The following ARID5B variants were observed in gnomAD, a reference collection of about 807,000 sequenced individuals.
ARID5B encodes AT-rich interactive domain-containing protein 5B.
ARID5B carries 13 observed loss-of-function variants against 97.2 expected under a neutral mutation model. The ratio of observed to expected loss-of-function variants is 0.13; its 90% confidence interval spans 0.09 to 0.21. The LOEUF is 0.21. Among genes scored for constraint, ARID5B ranks in the 10% least tolerant of loss-of-function variants. ARID5B has a pLI of 1.00. For missense variants in ARID5B, 1,210 were observed against 1,465.3 expected, an observed-to-expected ratio of 0.83 and a Z score of 2.84; for synonymous variants, 556 against 570.3, an observed-to-expected ratio of 0.97 and a Z score of 0.36.
chr10:62,013,544 A>G, intron 4 of ARID5B, among the ~76,000 whole-genome samples: 1 of 152,006 alleles, frequency 6.6e-6, no homozygotes, highest in East Asian at 1.9e-4. Context: ...CTCTTATGTA[A>G]CTGAAATTAT....
intron 7 of ARID5B, among the ~76,000 whole-genome samples, chr10:62,062,381 T>A (rs1839932067): frequency 6.6e-6 from 1 of 152,210 alleles, no homozygotes; most frequent in African/African-American, 2.4e-5. Context: ...TAAGTGGTTG[T>A]TTAGACCCCC....
chr10:62,032,944 A>G (rs904017077), intron 4 of ARID5B, among the ~76,000 whole-genome samples: 2 of 152,156 alleles, frequency 1.3e-5, no homozygotes, highest in African/African-American at 4.8e-5. Flanking sequence ...GATTAATAGG[A>G]ATGTTCTACT....
chr10:62,076,187 G>A (rs922361946), intron 8 of ARID5B, among the ~76,000 whole-genome samples: 3 of 141,936 alleles, frequency 2.1e-5, no homozygotes, highest in Admixed American at 1.4e-4. Context: ...ATGATCCTTG[G>A]TTTATCTAAC....
intron 1 of ARID5B, 35 bp downstream of exon 1, chr10:61,901,765 AC>A (rs771080622): frequency 1.1e-5 from 18 of 1,578,362 alleles, no homozygotes; most frequent in East Asian, 2.3e-5. Context: ...CGATCCCGGC[AC>A]CCCCCGGCAC....
rs892988068 is a variant in ARID5B, at chr10:62,053,377, C to T, written c.846+2377C>T. Among the ~76,000 whole-genome samples the T allele has an allele frequency of 4.9e-4, 74 of 152,148 alleles. 3 individuals carry two copies. Among genetic ancestry groups the T allele is most frequent in the Admixed American group, 7.9e-4 (12 of 15,272 alleles). On this transcript the variant is annotated intron_variant, in intron 5 of 9. Coordinates refer to ENST00000279873, the MANE Select transcript of ARID5B (RefSeq NM_032199.3). Reference sequence around the variant, plus strand: ...TGGAAAAATAAGTCAAGTGATTTGCCGGTCGCCATCAAAACGTTGCACTCC... The same window carrying T: ...TGGAAAAATAAGTCAAGTGATTTGCTGGTCGCCATCAAAACGTTGCACTCC...
intron 9 of ARID5B, among the ~76,000 whole-genome samples, chr10:62,089,528 C>CT (rs34423923): frequency 0.018 from 1,836 of 101,498 alleles, 21 homozygotes; most frequent in Non-Finnish European, 0.026. Flanking sequence ...CCTTCTTTTT[C>CT]TTTTTTTTTT....
At chr10:61,918,925 T>C (rs548855745) in intron 2 of ARID5B, among the ~76,000 whole-genome samples, 1 of 151,410 alleles carries the variant, frequency 6.6e-6, no homozygotes, top group Non-Finnish European at 1.5e-5. Flanking sequence ...TCCCAGCTAC[T>C]CAGGAGGCTG....
chr10:61,976,224 G>A (rs1243839662), intron 3 of ARID5B, among the ~76,000 whole-genome samples: 1 of 152,194 alleles, frequency 6.6e-6, no homozygotes, highest in Non-Finnish European at 1.5e-5. Context: ...TGGCTAATAT[G>A]ACTGAGAAAC....
In ARID5B at chr10:62,013,815, T is replaced by TATATATATATATATATATATATAC. The variant is rs915920250; in HGVS notation, c.733+13495_733+13496insTATATATATATATATATATATACA. On this transcript the variant is annotated intron_variant, in intron 4 of 9. Coordinates refer to ENST00000279873, the MANE Select transcript of ARID5B (RefSeq NM_032199.3). ...TTGGGTATATATATATATATATATA[T>TATATATATATATATATATATATAC]ACCACATTTTCTCTTTTAATTTTTA... Among the ~76,000 whole-genome samples the TATATATATATATATATATATATAC allele has an allele frequency of 3.5e-3, 515 of 147,066 alleles. 10 individuals are homozygous for TATATATATATATATATATATATAC. Among genetic ancestry groups the TATATATATATATATATATATATAC allele is most frequent in the Admixed American group, 0.02 (280 of 13,760 alleles).
Position 61,951,733 on chromosome 10 carries a change from A to T in ARID5B, c.502+11325A>T, listed in dbSNP as rs946302395. 2.6e-5 allele frequency among the ~76,000 whole-genome samples: 4 copies of T among 152,228 alleles called. 1 individual carries two copies. Among genetic ancestry groups the T allele is most frequent in the African/African-American group, 4.8e-5 (2 of 41,452 alleles). Reference sequence around the variant, plus strand: ...ACTCAGAAGTGCTGTTAGTATTTGTATATGTACCAATGCATATGAATGCAT... The same window carrying T: ...ACTCAGAAGTGCTGTTAGTATTTGTTTATGTACCAATGCATATGAATGCAT... On this transcript the variant is annotated intron_variant, in intron 3 of 9. Coordinates refer to ENST00000279873, the MANE Select transcript of ARID5B (RefSeq NM_032199.3).
At chr10:61,921,060 A>T (rs76644164) in intron 2 of ARID5B, among the ~76,000 whole-genome samples, 1 of 151,464 alleles carries the variant, frequency 6.6e-6, no homozygotes, top group Non-Finnish European at 1.5e-5. Flanking sequence ...GCAGAAAATT[A>T]TCTAATTTCT....
chr10:61,970,263 T>C (rs915225942), intron 3 of ARID5B, among the ~76,000 whole-genome samples: 1 of 152,246 alleles, frequency 6.6e-6, no homozygotes, highest in Non-Finnish European at 1.5e-5. Flanking sequence ...GTTCATTGTA[T>C]AATTGTTTTT....
chr10:61,933,490 A>T (rs867525402), intron 2 of ARID5B, among the ~76,000 whole-genome samples: 2 of 152,240 alleles, frequency 1.3e-5, no homozygotes, highest in Non-Finnish European at 2.9e-5. Flanking sequence ...TGTGGCAGCT[A>T]TAGCTTCATA....
chr10:61,913,071 CT>C (rs1242046745), intron 2 of ARID5B, among the ~76,000 whole-genome samples: 8 of 152,164 alleles, frequency 5.3e-5, no homozygotes, highest in Non-Finnish European at 1.0e-4. Flanking sequence ...TGTTTTTCTT[CT>C]GTTTTGGCAG....
At chr10:61,916,365 G>C (rs1275438273) in intron 2 of ARID5B, among the ~76,000 whole-genome samples, 1 of 152,186 alleles carries the variant, frequency 6.6e-6, no homozygotes, top group African/African-American at 2.4e-5. Context: ...TAGTGGCAGA[G>C]TTGGGTGGTT....
intron 4 of ARID5B, among the ~76,000 whole-genome samples, chr10:62,025,582 A>G (rs1839409820): frequency 6.6e-6 from 1 of 152,202 alleles, no homozygotes; most frequent in Admixed American, 6.5e-5. Context: ...GAAATTAGCT[A>G]GATGACCTAC....
intron 8 of ARID5B, among the ~76,000 whole-genome samples, chr10:62,082,022 TGAG>T (rs1406891167): frequency 6.6e-6 from 1 of 151,826 alleles, no homozygotes; most frequent in Admixed American, 6.6e-5. Flanking sequence ...GAAAGAAGAA[TGAG>T]GAGGGGAAAA....
chr10:61,965,614 A>G (rs978973745), intron 3 of ARID5B, among the ~76,000 whole-genome samples: 3 of 151,922 alleles, frequency 2.0e-5, no homozygotes, highest in East Asian at 1.9e-4. Flanking sequence ...TCAATTCAGA[A>G]AAAAAATTTT....
chr10:62,076,488 G>A (rs1355494929), intron 8 of ARID5B, among the ~76,000 whole-genome samples: 1 of 149,886 alleles, frequency 6.7e-6, no homozygotes, highest in African/African-American at 2.4e-5. Flanking sequence ...CTGAATATGG[G>A]AAGTGGAGGG....
Sources: gnomAD v4.1 joint callset for allele counts (sites outside exome capture counted in the v4.1 genomes callset) on GRCh38, gnomAD v4.1.1 for gene constraint, MANE v1.5 for transcripts, NCBI Gene and HGNC (gene_info 2026-07-23, HGNC 2026-07-21) for gene names.